Variants in TP63 observed in about 807,000 individuals in gnomAD.
TP63 encodes the protein tumor protein p63.
Under a neutral mutation model 82.8 loss-of-function variants are expected in TP63, and 17 were observed. The observed-to-expected ratio is 0.21, with a 90% CI of 0.14 to 0.31. TP63 has a LOEUF of 0.31. Among genes scored for constraint, TP63 ranks in the 10% least tolerant of loss-of-function variants. The pLI is 1.00. For synonymous variants in TP63, 330 were observed against 321.7 expected, an observed-to-expected ratio of 1.03 and a Z score of -0.28; for missense variants, 648 against 895.3, an observed-to-expected ratio of 0.72 and a Z score of 3.52.
chr3:189,651,837 G>A (rs1712920106), intron 1 of TP63, among the ~76,000 whole-genome samples: 1 of 147,104 alleles, frequency 6.8e-6, no homozygotes, highest in African/African-American at 2.5e-5. Flanking sequence ...TCCAGCTGTG[G>A]CTAAAAGGGG....
chr3:189,642,978 A>AATTAATTT (rs1204363196), intron 1 of TP63, among the ~76,000 whole-genome samples: 1 of 137,704 alleles, frequency 7.3e-6, no homozygotes, highest in Admixed American at 7.4e-5. Context: ...CAGACAGCCA[A>AATTAATTT]ATTTATTTAT....
At position 189,662,001 on chromosome 3, in the gene TP63, C is replaced by T. The variant is rs540484517; in HGVS notation, c.62+30424C>T. On this transcript the variant is annotated intron_variant, in intron 1 of 13. Coordinates refer to ENST00000264731, the MANE Select transcript of TP63 (RefSeq NM_003722.5). Reference sequence around the variant, plus strand: ...CTAGAGTCTATCAATATTGTTTATCCTTTCAAAAAATAATTTTTGGTTTTG... The same window carrying T: ...CTAGAGTCTATCAATATTGTTTATCTTTTCAAAAAATAATTTTTGGTTTTG... 4.6e-5 allele frequency among the ~76,000 whole-genome samples: 7 copies of T among 151,870 alleles called. No homozygotes were observed. In the Middle Eastern group the frequency reaches 0.01, roughly 221 times the overall value.
At chr3:189,837,277 T>G (rs1713295536) in intron 4 of TP63, among the ~76,000 whole-genome samples, 1 of 152,270 alleles carries the variant, frequency 6.6e-6, no homozygotes, top group Non-Finnish European at 1.5e-5. Flanking sequence ...AATTTGGCTA[T>G]TTAATGTAAT....
chr3:189,889,411 C>T lies in TP63; in HGVS notation c.1579C>T (p.Pro527Ser). ...ACTCAGCCCCACCCAGGCACTCCCT[C>T]CCCCACTCTCCATGCCATCCACCTC... ...NGLSPTQALP[P>S]PLSMPSTSHC... The change falls in exon 12 of 14, where the codon CCC becomes TCC. Residue 527 changes from proline (P) to serine (S), a missense_variant. Pro to Ser is a moderately conservative substitution (Grantham distance 74, BLOSUM62 -1). Around this residue, in one of 5 missense-constraint regions of TP63, gnomAD observed 342 missense variants for 425.7 expected, o/e 0.80. Coordinates refer to ENST00000264731, the MANE Select transcript of TP63 (RefSeq NM_003722.5). The T allele has an allele frequency of 3.1e-6, 5 of 1,614,088 alleles. No individual in the cohort carries two copies. Among genetic ancestry groups the T allele is most frequent in the Non-Finnish European group, 1.7e-6 (2 of 1,179,980 alleles).
intron 3 of TP63, among the ~76,000 whole-genome samples, chr3:189,781,622 G>A (rs2108577008): frequency 6.6e-6 from 1 of 152,074 alleles, no homozygotes; most frequent in African/African-American, 2.4e-5. Flanking sequence ...CCTGGAAAGG[G>A]TGGAGAAGAT....
intron 3 of TP63, among the ~76,000 whole-genome samples, chr3:189,757,734 C>T (rs538388785): frequency 6.6e-6 from 1 of 152,162 alleles, no homozygotes; most frequent in Non-Finnish European, 1.5e-5. Flanking sequence ...GGCTCCACCC[C>T]CTACCCCCAA....
At chr3:189,764,642 T>G (rs1722806701) in intron 3 of TP63, among the ~76,000 whole-genome samples, 1 of 152,124 alleles carries the variant, frequency 6.6e-6, no homozygotes, top group African/African-American at 2.4e-5. Context: ...TCCATTGTGT[T>G]TAGGAAAGAC....
rs768649694 is a variant in TP63 at position 189,737,723 on chromosome 3, A to G, written c.63-17A>G. The G allele has an allele frequency of 2.0e-5, 32 of 1,613,132 alleles. 1 individual carries two copies. In the East Asian group the frequency reaches 6.5e-4, roughly 33 times the overall value. On this transcript the variant is annotated splice_polypyrimidine_tract_variant and intron_variant, in intron 1 of 13. Coordinates refer to ENST00000264731, the MANE Select transcript of TP63 (RefSeq NM_003722.5). Reference sequence around the variant, plus strand: ...ATACAGAAAGTATAATACTAGTTTCATTTTTGTCCTTTTAAGTTTCGTAGA... The same window carrying G: ...ATACAGAAAGTATAATACTAGTTTCGTTTTTGTCCTTTTAAGTTTCGTAGA...
chr3:189,678,425 C>T (rs1197936168), intron 1 of TP63, among the ~76,000 whole-genome samples: 2 of 151,962 alleles, frequency 1.3e-5, no homozygotes, highest in African/African-American at 2.4e-5. Context: ...GTTCTCTATT[C>T]TGTTACATTG....
At chr3:189,627,062 C>T (rs966010450), upstream of TP63, among the ~76,000 whole-genome samples, 2 of 152,106 alleles carry the variant, frequency 1.3e-5, no homozygotes, top group African/African-American at 4.8e-5. Context: ...GAGTAGGCTA[C>T]CTGCTTGAGG....
chr3:189,733,138 A>G (rs1720296134), intron 1 of TP63, among the ~76,000 whole-genome samples: 1 of 152,172 alleles, frequency 6.6e-6, no homozygotes, highest in African/African-American at 2.4e-5. Context: ...TTTTAGGAGT[A>G]AGAACCTAGG....
At chr3:189,745,425 C>A (rs79388935) in intron 3 of TP63, among the ~76,000 whole-genome samples, 2,274 of 152,036 alleles carry the variant, frequency 0.015, 50 homozygotes, top group African/African-American at 0.051. Flanking sequence ...TAGAACCAAA[C>A]AGGCTGGGCA....
At chr3:189,725,621 G>A (rs1719717311) in intron 1 of TP63, among the ~76,000 whole-genome samples, 2 of 152,104 alleles carry the variant, frequency 1.3e-5, no homozygotes, top group South Asian at 4.2e-4. Context: ...CCACACGAGG[G>A]AATTTAGCAA....
intron 4 of TP63, among the ~76,000 whole-genome samples, chr3:189,830,850 G>A (rs935025856): frequency 2.6e-5 from 4 of 152,286 alleles, no homozygotes; most frequent in Non-Finnish European, 5.9e-5. Flanking sequence ...GTTTGAAGAA[G>A]GGAATGAATA....
intron 1 of TP63, among the ~76,000 whole-genome samples, chr3:189,669,439 A>G (rs780478565): frequency 1.6e-4 from 25 of 152,060 alleles, no homozygotes; most frequent in Admixed American, 1.6e-3. Context: ...CCTACAGGAA[A>G]TAATAGGGGA....
At chr3:189,664,253 A>G (rs1714180985) in intron 1 of TP63, among the ~76,000 whole-genome samples, 1 of 152,176 alleles carries the variant, frequency 6.6e-6, no homozygotes, top group African/African-American at 2.4e-5. Context: ...CAGCAAAGAA[A>G]TTTAACATAA....
At chr3:189,675,696 A>T (rs768825996) in intron 1 of TP63, among the ~76,000 whole-genome samples, 1 of 152,096 alleles carries the variant, frequency 6.6e-6, no homozygotes, top group Non-Finnish European at 1.5e-5. Flanking sequence ...TGGCACGGTT[A>T]TGTCTCCTGC....
At chr3:189,740,369 T>C (rs1320988848) in intron 3 of TP63, among the ~76,000 whole-genome samples, 1 of 152,194 alleles carries the variant, frequency 6.6e-6, no homozygotes, top group African/African-American at 2.4e-5. Flanking sequence ...AACCTGTTAT[T>C]GTATTCTCTC....
At chr3:189,691,452 T>TA (rs1266245008) in intron 1 of TP63, among the ~76,000 whole-genome samples, 1 of 151,434 alleles carries the variant, frequency 6.6e-6, no homozygotes, top group Non-Finnish European at 1.5e-5. Context: ...AACTGAACAA[T>TA]ATTTTGTTGT....
Sources: gnomAD v4.1 joint callset for allele counts (sites outside exome capture counted in the v4.1 genomes callset) on GRCh38, gnomAD v4.1.1 for gene constraint, gnomAD v4.1.1 regional missense constraint, MANE v1.5 for transcripts, NCBI Gene and HGNC (gene_info 2026-07-23, HGNC 2026-07-21) for gene names.